FRMPD4: variants seen among roughly 807,000 people sequenced by gnomAD.
FRMPD4 encodes the protein FERM and PDZ domain-containing protein 4.
FRMPD4 carries 22 observed loss-of-function variants against 94.1 expected under a neutral mutation model. That is an observed-to-expected ratio of 0.23 (90% CI 0.17 to 0.33). The LOEUF is 0.33. FRMPD4 is among the 10% of genes least tolerant of loss of function. The pLI is 1.00. For synonymous variants in FRMPD4, 631 were observed against 548.6 expected (o/e 1.15, Z -2.10); for missense variants, 1,111 against 1,339.9 (o/e 0.83, Z 2.67).
chrX:12,447,808 A>G (rs2057217044), intron 1 of FRMPD4, among the ~76,000 whole-genome samples: 1 of 112,312 alleles, frequency 8.9e-6, no homozygotes. Context: ...ACAACATACA[A>G]AAATAAGCAT....
At chrX:11,942,036 C>T (rs1442353130) in intron 3 of FRMPD4, among the ~76,000 whole-genome samples, 2 of 111,727 alleles carry the variant, frequency 1.8e-5, no homozygotes, top group Non-Finnish European at 1.9e-5. Flanking sequence ...AAGAAATTAG[C>T]TTCTGGTTTT....
At chrX:12,437,366 G>A (rs1350118287) in intron 1 of FRMPD4, among the ~76,000 whole-genome samples, 1 of 109,744 alleles carries the variant, frequency 9.1e-6, no homozygotes, top group Non-Finnish European at 1.9e-5. Flanking sequence ...ACTTTTTCCA[G>A]GTAGTATTTA....
At chrX:12,146,308 G>C (rs918463374) in intron 1 of FRMPD4, among the ~76,000 whole-genome samples, 1 of 110,246 alleles carries the variant, frequency 9.1e-6, no homozygotes, top group Non-Finnish European at 1.9e-5. Flanking sequence ...AGCTTGCAGT[G>C]AGCTGAGATT....
chrX:12,017,928 T>C (rs1372691651), intron 3 of FRMPD4, among the ~76,000 whole-genome samples: 6 of 112,009 alleles, frequency 5.4e-5, no homozygotes, highest in Non-Finnish European at 1.1e-4. Context: ...GCTATCTGGA[T>C]AGCTAGCTGA....
chrX:12,185,459 G>C (rs770547835), intron 1 of FRMPD4, among the ~76,000 whole-genome samples: 11 of 110,972 alleles, frequency 9.9e-5, no homozygotes, highest in Non-Finnish European at 1.3e-4. Context: ...ATATCATTAA[G>C]AATTACTGGA....
At chrX:11,977,576 C>T (rs1359723922) in intron 3 of FRMPD4, among the ~76,000 whole-genome samples, 4 of 112,088 alleles carry the variant, frequency 3.6e-5, no homozygotes, top group African/African-American at 3.2e-5. Context: ...AGCCCTTAGG[C>T]GGTCCTGAGA....
intron 3 of FRMPD4, among the ~76,000 whole-genome samples, chrX:12,006,206 C>A (rs889000812): frequency 8.9e-6 from 1 of 111,886 alleles, no homozygotes; most frequent in Non-Finnish European, 1.9e-5. Flanking sequence ...CGTAGGATTT[C>A]AAAAACTAAT....
At chrX:12,624,282 T>G (rs1768897454) in intron 4 of FRMPD4, among the ~76,000 whole-genome samples, 1 of 112,259 alleles carries the variant, frequency 8.9e-6, no homozygotes, top group South Asian at 3.7e-4. Flanking sequence ...AACTACAGTA[T>G]GAAAGTCGAA....
chrX:12,082,718 G>C (rs922022908), intron 3 of FRMPD4, among the ~76,000 whole-genome samples: 2 of 111,457 alleles, frequency 1.8e-5, no homozygotes, highest in Non-Finnish European at 3.8e-5. Flanking sequence ...TGAACAATAA[G>C]GTCCAGGATG....
At chrX:12,631,885 A>G (rs749218664) in intron 4 of FRMPD4, among the ~76,000 whole-genome samples, 15 of 111,919 alleles carry the variant, frequency 1.3e-4, no homozygotes, top group Non-Finnish European at 2.6e-4. Context: ...TCAAATTACT[A>G]TTCTGGAATT....
At chrX:12,119,129 T>C (rs1339047195) in intron 3 of FRMPD4, among the ~76,000 whole-genome samples, 1 of 111,344 alleles carries the variant, frequency 9.0e-6, no homozygotes, top group Non-Finnish European at 1.9e-5. Context: ...ATGTCCAGGA[T>C]TGGGGTCACA....
intron 1 of FRMPD4, among the ~76,000 whole-genome samples, chrX:12,257,203 G>A (rs2054126233): frequency 8.9e-6 from 1 of 112,095 alleles, no homozygotes; most frequent in Admixed American, 9.5e-5. Flanking sequence ...ATATTTGGCT[G>A]TATGATCTTT....
At chrX:12,618,224 A>G (rs1158314121) in intron 4 of FRMPD4, among the ~76,000 whole-genome samples, 3 of 111,860 alleles carry the variant, frequency 2.7e-5, no homozygotes, top group Admixed American at 9.5e-5. Context: ...AAAAGTAAGG[A>G]GTATTATTGC....
chrX:12,212,210 A>T (rs2056762171), intron 1 of FRMPD4, among the ~76,000 whole-genome samples: 1 of 108,791 alleles, frequency 9.2e-6, no homozygotes, highest in Non-Finnish European at 1.9e-5. Flanking sequence ...TTAAAAATGT[A>T]AAAAAAAAAA....
At chrX:12,330,971 T>G (rs993231968) in intron 1 of FRMPD4, among the ~76,000 whole-genome samples, 1 of 111,827 alleles carries the variant, frequency 8.9e-6, no homozygotes, top group Non-Finnish European at 1.9e-5. Flanking sequence ...AAGGGCCAGA[T>G]AGTAACTATT....
At chrX:12,135,603 G>A (rs1392550861), upstream of FRMPD4, among the ~76,000 whole-genome samples, 2 of 107,977 alleles carry the variant, frequency 1.9e-5, no homozygotes, top group Non-Finnish European at 3.8e-5. Context: ...GTGGAGAGAT[G>A]GCATCTGCAT....
chrX:12,028,128 C>T (rs1039961744), intron 3 of FRMPD4, among the ~76,000 whole-genome samples: 2 of 111,839 alleles, frequency 1.8e-5, no homozygotes, highest in Admixed American at 9.5e-5. Flanking sequence ...AAGATGTCAG[C>T]CAGGCTGAGT....
chrX:12,429,168 G>C (rs775137137), intron 1 of FRMPD4, among the ~76,000 whole-genome samples: 74 of 111,556 alleles, frequency 6.6e-4, no homozygotes, highest in Non-Finnish European at 1.0e-3. Context: ...CTGGGAACTC[G>C]CCATTCAGTA....
At chrX:12,534,566 C>G (rs750449493) in intron 2 of FRMPD4, among the ~76,000 whole-genome samples, 1 of 112,259 alleles carries the variant, frequency 8.9e-6, no homozygotes, top group East Asian at 2.8e-4. Context: ...GTGGAACTGC[C>G]TGAGACCATG....
Sources: gnomAD v4.1 joint callset for allele counts (sites outside exome capture counted in the v4.1 genomes callset) on GRCh38, gnomAD v4.1.1 for gene constraint, MANE v1.5 for transcripts, NCBI Gene and HGNC (gene_info 2026-07-23, HGNC 2026-07-21) for gene names.